The following TMEM114 variants were observed in gnomAD, a reference collection of about 807,000 sequenced individuals.
TMEM114 encodes transmembrane protein 114.
A neutral mutation model predicts 6.2 loss-of-function variants in TMEM114; 6 were observed. The observed-to-expected ratio is 0.97, with a 90% CI of 0.53 to 1.91. The LOEUF (loss-of-function observed/expected upper bound fraction) is 1.91. TMEM114 is among the 40% of genes most tolerant of loss of function. TMEM114 has a pLI of 0.01. For missense variants in TMEM114, 218 were observed against 158.3 expected, an observed-to-expected ratio of 1.38 and a Z score of -2.02; for synonymous variants, 104 against 73.0, an observed-to-expected ratio of 1.42 and a Z score of -2.16.
At chr16:8,544,351 C>A (rs1010161737) in intron 2 of TMEM114, among the ~76,000 whole-genome samples, 1 of 152,176 alleles carries the variant, frequency 6.6e-6, no homozygotes, top group Non-Finnish European at 1.5e-5. Flanking sequence ...AAGCTGGGTC[C>A]TGTGCATATA....
At chr16:8,573,825 C>G (rs1462154366) in intron 2 of TMEM114, among the ~76,000 whole-genome samples, 1 of 152,128 alleles carries the variant, frequency 6.6e-6, no homozygotes, top group East Asian at 1.9e-4. Flanking sequence ...CATTTATTAC[C>G]TAGTGTTGAG....
the TMEM114 span, among the ~76,000 whole-genome samples, chr16:8,532,167 C>T: frequency 6.6e-6 from 1 of 152,126 alleles, no homozygotes; most frequent in Non-Finnish European, 1.5e-5. Context: ...TTAGAATGTG[C>T]TAATATAAAT....
At position 8,590,148 on chromosome 16, in the gene TMEM114, AC is replaced by A; in HGVS notation, c.-311del. 1 of 294,108 alleles carries A rather than the reference AC, an allele frequency of 3.4e-6. No homozygotes were observed. Among genetic ancestry groups the A allele is most frequent in the Non-Finnish European group, 6.2e-6 (1 of 160,078 alleles). The allele number at this position is 294,108 out of a possible 1,614,324, so 18.2% of individuals were successfully genotyped here. The stretch of plus-strand genomic sequence containing the variant: ...GTCCGACCTCCACCTCCGCCTTCAG[AC>A]CCTCCTGGAAGCTCTAGTCCTTCCC... On this transcript the variant is annotated 5_prime_UTR_variant, in exon 1 of 4. Coordinates refer to ENST00000620492, the MANE Select transcript of TMEM114 (RefSeq NM_001146336.2).
At chr16:8,564,670 GGAATGAGTGAATGAGT>G (rs1485747899), downstream of TMEM114, among the ~76,000 whole-genome samples, 1 of 74,146 alleles carries the variant, frequency 1.3e-5, no homozygotes, top group Non-Finnish European at 2.9e-5. Flanking sequence ...AGGGAGGGAG[GGAATGAGTGAATGAGT>G]GAGTGAATGA....
chr16:8,568,029 C>T (rs1019193153), downstream of TMEM114, among the ~76,000 whole-genome samples: 3 of 152,132 alleles, frequency 2.0e-5, no homozygotes, highest in African/African-American at 7.2e-5. Context: ...GAAGTGCAGG[C>T]GTTGGTGGAA....
chr16:8,561,856 G>GTGAGTGAGGGAA (rs1901220012), intron 2 of TMEM114, among the ~76,000 whole-genome samples: 2 of 27,090 alleles, frequency 7.4e-5, no homozygotes, highest in African/African-American at 1.7e-4. Flanking sequence ...GAATGAATGA[G>GTGAGTGAGGGAA]TGAGTGAGGG....
At position 8,562,130 on chromosome 16, in the gene TMEM114, G is replaced by GAGTT. The variant is rs1180690934; in HGVS notation, n.213-24305_213-24304insAACT. Among the ~76,000 whole-genome samples the GAGTT allele has an allele frequency of 1.1e-3, 167 of 149,958 alleles. 4 individuals carry two copies. The highest frequency in any genetic ancestry group is 4.1e-3 in the African/African-American group (162 of 39,412). On this transcript the variant is annotated intron_variant and non_coding_transcript_variant, in intron 2 of 2. Transcript: ENST00000623677. ...TGAGCGAATAAGTAAGTGAATGAGT[G>GAGTT]AGTGAATGAGTGAGTTAGTGAATAA...
chr16:8,573,835 G>C (rs1901820957), intron 2 of TMEM114, among the ~76,000 whole-genome samples: 1 of 152,166 alleles, frequency 6.6e-6, no homozygotes, highest in African/African-American at 2.4e-5. Flanking sequence ...CTAGTGTTGA[G>C]GGCATCTGAG....
chr16:8,587,842 C>T (rs1902362025), intron 2 of TMEM114, among the ~76,000 whole-genome samples: 1 of 151,864 alleles, frequency 6.6e-6, no homozygotes, highest in African/African-American at 2.4e-5. Flanking sequence ...GACCCTGTCT[C>T]TGGGTAGGGT....
At chr16:8,530,347 G>A in the TMEM114 span, among the ~76,000 whole-genome samples, 4 of 152,282 alleles carry the variant, frequency 2.6e-5, no homozygotes, top group East Asian at 1.9e-4. Flanking sequence ...GACCTTGGAC[G>A]TGACCCTTTC....
the TMEM114 span, chr16:8,526,801 C>T: frequency 6.6e-6 from 1 of 152,174 alleles, no homozygotes; most frequent in Non-Finnish European, 1.5e-5. Flanking sequence ...AAAATAATTC[C>T]CACCCATCCC....
At chr16:8,556,182 C>G (rs1476141936) in intron 2 of TMEM114, among the ~76,000 whole-genome samples, 2 of 152,102 alleles carry the variant, frequency 1.3e-5, no homozygotes, top group Non-Finnish European at 2.9e-5. Flanking sequence ...TTCTCTCCTT[C>G]CCGCCAGCTC....
chr16:8,544,553 C>A (rs563857946), intron 2 of TMEM114, among the ~76,000 whole-genome samples: 2 of 152,150 alleles, frequency 1.3e-5, no homozygotes, highest in East Asian at 1.9e-4. Flanking sequence ...AGTCGGTAGA[C>A]GACCAACCTG....
At chr16:8,544,561 C>A (rs925461983) in intron 2 of TMEM114, among the ~76,000 whole-genome samples, 5 of 152,140 alleles carry the variant, frequency 3.3e-5, no homozygotes, top group African/African-American at 1.2e-4. Context: ...GACGACCAAC[C>A]TGTTGAAATG....
intron 2 of TMEM114, among the ~76,000 whole-genome samples, chr16:8,563,827 G>GAGTA (rs1901393817): frequency 7.5e-6 from 1 of 133,698 alleles, no homozygotes; most frequent in East Asian, 2.6e-4. Context: ...GTGAGTGAGT[G>GAGTA]AATGAGTGAG....
intron 2 of TMEM114, among the ~76,000 whole-genome samples, chr16:8,580,495 T>C (rs1383346132): frequency 1.0e-5 from 1 of 98,268 alleles, no homozygotes; most frequent in Non-Finnish European, 2.2e-5. Context: ...TCAAAAGAGG[T>C]AAAAAAAAAA....
intron 2 of TMEM114, among the ~76,000 whole-genome samples, chr16:8,553,934 A>C (rs1230990702): frequency 6.6e-6 from 1 of 150,852 alleles, no homozygotes; most frequent in Non-Finnish European, 1.5e-5. Flanking sequence ...GCTAGAGTAC[A>C]GTGGTGCAAT....
rs576592531 is a variant in TMEM114 at position 8,583,825 on chromosome 16, C to T, written c.301+5388G>A. On this transcript the variant is annotated intron_variant, in intron 2 of 3. Coordinates refer to ENST00000620492, the MANE Select transcript of TMEM114 (RefSeq NM_001146336.2). The stretch of plus-strand genomic sequence containing the variant: ...TGATGTAGGCGCGTGTGGGTTTTGC[C>T]TGCCCCTACACCTGATGACAGCACC... Among the ~76,000 whole-genome samples the T allele has an allele frequency of 5.3e-5, 8 of 152,258 alleles. No individual in the cohort carries two copies. The East Asian group carries it at 1.4e-3, about 26-fold the overall frequency.
chr16:8,587,726 C>G (rs1902359223), intron 2 of TMEM114, among the ~76,000 whole-genome samples: 2 of 152,212 alleles, frequency 1.3e-5, no homozygotes, highest in Non-Finnish European at 2.9e-5. Context: ...CCTATAATCT[C>G]AGCACTTTTG....
Sources: allele counts gnomAD v4.1 joint callset (sites outside exome capture counted in the v4.1 genomes callset), GRCh38; gene constraint gnomAD v4.1.1; transcripts MANE v1.5; gene names NCBI Gene and HGNC (gene_info 2026-07-23, HGNC 2026-07-21).